ZNF567: variants seen among roughly 807,000 people sequenced by gnomAD.
ZNF567 encodes the protein zinc finger protein 567.
In ZNF567, 36 loss-of-function variants were observed where a neutral mutation model predicts 53.9. The ratio of observed to expected loss-of-function variants is 0.67; its 90% CI spans 0.51 to 0.88. The LOEUF (loss-of-function observed/expected upper bound fraction) is 0.88, where lower values mean the gene tolerates loss of function less well. ZNF567 is among the 40% of genes least tolerant of loss of function. ZNF567 has a pLI of 0.00. For missense variants in ZNF567, 619 were observed against 764.7 expected (o/e 0.81, Z 2.25); for synonymous variants, 224 against 260.4 (o/e 0.86, Z 1.35).
the ZNF567 span, among the ~76,000 whole-genome samples, chr19:36,681,520 C>T: frequency 1.3e-5 from 2 of 152,118 alleles, no homozygotes; most frequent in Non-Finnish European, 2.9e-5. Flanking sequence ...GCCTTGACTT[C>T]CAGGGCTCAA....
chr19:36,714,632 A>T (rs2039955523), intron 5 of ZNF567: 1 of 382,190 alleles, frequency 2.6e-6, no homozygotes, highest in Non-Finnish European at 4.6e-6. Context: ...TATTAATTTT[A>T]GAACTCACTT....
At chr19:36,691,955 A>G (rs1031539691) in intron 2 of ZNF567, among the ~76,000 whole-genome samples, 5 of 152,154 alleles carry the variant, frequency 3.3e-5, no homozygotes, top group Non-Finnish European at 7.4e-5. Flanking sequence ...GCATGTTGCA[A>G]TTCACTCATA....
At chr19:36,685,274 C>G (rs1227248412), upstream of ZNF567, among the ~76,000 whole-genome samples, 1 of 152,116 alleles carries the variant, frequency 6.6e-6, no homozygotes, top group Non-Finnish European at 1.5e-5. Flanking sequence ...GGCGACAGAG[C>G]AAGACTCGGT....
At chr19:36,724,152 A>G (rs2040324943), downstream of ZNF567, among the ~76,000 whole-genome samples, 1 of 150,728 alleles carries the variant, frequency 6.6e-6, no homozygotes, top group Middle Eastern at 3.2e-3. Context: ...GATTACAGGC[A>G]TGTTCCCCCA....
chr19:36,688,073 T>C (rs934202743), intron 1 of ZNF567, among the ~76,000 whole-genome samples: 4 of 152,084 alleles, frequency 2.6e-5, no homozygotes, highest in African/African-American at 9.7e-5. Flanking sequence ...GGTCCCTGCG[T>C]GTCTTAAGTT....
the ZNF567 span, among the ~76,000 whole-genome samples, chr19:36,679,776 T>A: frequency 6.6e-6 from 1 of 151,796 alleles, no homozygotes; most frequent in African/African-American, 2.4e-5. Context: ...TCTAAAAAGT[T>A]GAACTCTTAG....
At chr19:36,698,031 G>A (rs529092562) in intron 3 of ZNF567, among the ~76,000 whole-genome samples, 157 of 149,828 alleles carry the variant, frequency 1.0e-3, no homozygotes, top group African/African-American at 3.8e-3. Flanking sequence ...CCATTAACTC[G>A]TCATTTAGCA....
chr19:36,712,870 G>A lies in ZNF567; in HGVS notation c.223+3G>A, dbSNP rs763276620. 2 of 1,612,482 alleles carry A rather than the reference G, an allele frequency of 1.2e-6. No individual in the cohort carries two copies. Among genetic ancestry groups the A allele is most frequent in the Non-Finnish European group, 8.5e-7 (1 of 1,179,032 alleles). ...ATTTGCAGGTCATACCTGCTTGGGTGAGTTTCTGGCTCTTAGGCAGACACA... is the reference window on the plus strand; with the variant it reads ...ATTTGCAGGTCATACCTGCTTGGGTAAGTTTCTGGCTCTTAGGCAGACACA... On this transcript the variant is annotated splice_donor_region_variant and intron_variant, in intron 5 of 5. Coordinates refer to ENST00000682579, the MANE Select transcript of ZNF567 (RefSeq NM_001322917.1).
intron 2 of ZNF567, among the ~76,000 whole-genome samples, chr19:36,692,508 G>A (rs1055702446): frequency 6.6e-6 from 1 of 152,062 alleles, no homozygotes; most frequent in East Asian, 1.9e-4. Flanking sequence ...GAGTAGCTGG[G>A]ACTACAGGTA....
chr19:36,694,691 G>A, intron 2 of ZNF567, 111 bp from the exon 3 acceptor site: 1 of 563,128 alleles, frequency 1.8e-6, no homozygotes. Context: ...CATGTTCAGA[G>A]TGGACAAGGA....
chr19:36,719,663 A>G lies in ZNF567; in HGVS notation c.939A>G (p.Glu313=). The G allele has an allele frequency of 4.3e-6, 7 of 1,613,930 alleles. No individual in the cohort carries two copies. Among genetic ancestry groups the G allele is most frequent in the Non-Finnish European group, 5.9e-6 (7 of 1,179,886 alleles). ...GAGAGAAACCCTTTGTTTGCAATGA[A>G]TGTGGTAAGTCCTTCCGCCTCAAGA... The part of the protein sequence containing the change: ...HTGEKPFVCN[E]CGKSFRLKTA... Residue 313 remains glutamate, a synonymous_variant, in exon 6 of 6, where the codon GAA becomes GAG. Transcript: ENST00000682579.
Position 36,718,998 on chromosome 19 carries a change from G to T in ZNF567, c.274G>T (p.Glu92Ter). 1.3e-6 allele frequency: 2 copies of T among 1,584,530 alleles called. No homozygotes were observed. Among genetic ancestry groups the T allele is most frequent in the South Asian group, 2.4e-5 (2 of 84,682 alleles). ...DFLVKFKEHQ[E>*]KYSRSVVSIN... ...TTTAGTGAAATTCAAGGAACACCAA[G>T]AGAAGTATTCTAGATCAGTTGTAAG... is the stretch of plus-strand genomic sequence containing the variant. Residue 92 changes from glutamate to a stop codon, truncating the protein, a stop_gained, in exon 6 of 6, where the codon GAG becomes TAG. Coordinates refer to ENST00000682579, the MANE Select transcript of ZNF567 (RefSeq NM_001322917.1). LOFTEE classifies it high-confidence loss of function.
At chr19:36,682,586 T>A in the ZNF567 span, among the ~76,000 whole-genome samples, 1,118 of 148,764 alleles carry the variant, frequency 7.5e-3, 13 homozygotes, top group African/African-American at 0.025. Flanking sequence ...GTTTTTTTTT[T>A]ATTATTTTAT....
chr19:36,708,839 A>G (rs2039631706), intron 3 of ZNF567, among the ~76,000 whole-genome samples: 2 of 152,176 alleles, frequency 1.3e-5, no homozygotes, highest in Non-Finnish European at 2.9e-5. Context: ...ATTTTGTGTC[A>G]GTCACATACG....
chr19:36,668,854 TGA>T, the ZNF567 span: 1 of 152,102 alleles, frequency 6.6e-6, no homozygotes, highest in Non-Finnish European at 1.5e-5. Context: ...AAACTGTCAG[TGA>T]GAGAGAAAGT....
chr19:36,682,625 T>G (rs1303948263), upstream of ZNF567, among the ~76,000 whole-genome samples: 3 of 149,826 alleles, frequency 2.0e-5, no homozygotes, highest in African/African-American at 7.3e-5. Context: ...TTTTTTTTTT[T>G]GAGACGGAGT....
In ZNF567 at chr19:36,719,525, A is replaced by G; in HGVS notation, c.801A>G (p.Val267=). 6.2e-7 allele frequency: 1 copy of G among 1,614,020 alleles called. No homozygotes were observed. Residue 267 remains valine, a synonymous_variant, in exon 6 of 6, where the codon GTA becomes GTG. Transcript: ENST00000682579. ...GGAAATCTTTCTGCAGGAAATCAGTATTGATTCTGCATCAGGGAATTCACT... is the reference window on the plus strand; with the variant it reads ...GGAAATCTTTCTGCAGGAAATCAGTGTTGATTCTGCATCAGGGAATTCACT... ...ECGKSFCRKS[V]LILHQGIHSE... is the part of the protein sequence containing the mutation.
At chr19:36,709,625 C>T (rs1034915060) in intron 3 of ZNF567, among the ~76,000 whole-genome samples, 12 of 152,006 alleles carry the variant, frequency 7.9e-5, no homozygotes, top group African/African-American at 2.9e-4. Context: ...CCACCACGCC[C>T]AGCCTATTAG....
intron 3 of ZNF567, among the ~76,000 whole-genome samples, chr19:36,697,320 A>G (rs1038517593): frequency 1.3e-5 from 2 of 151,780 alleles, no homozygotes; most frequent in Non-Finnish European, 2.9e-5. Context: ...TGATTTTTTT[A>G]TCTTGACCTG....
Sources: gnomAD v4.1 joint callset for allele counts (sites outside exome capture counted in the v4.1 genomes callset) on GRCh38, gnomAD v4.1.1 for gene constraint, MANE v1.5 for transcripts, NCBI Gene and HGNC (gene_info 2026-07-23, HGNC 2026-07-21) for gene names.